The following TPTE variants were observed in gnomAD, a reference collection of about 807,000 sequenced individuals.
TPTE encodes the protein putative tyrosine-protein phosphatase TPTE.
Under a neutral mutation model 84.1 loss-of-function variants are expected in TPTE, and 59 were observed. That is an observed-to-expected ratio of 0.70 (90% confidence interval 0.57 to 0.87). The LOEUF is 0.87. Among genes scored for constraint, TPTE ranks in the 40% least tolerant of loss-of-function variants. The pLI is 0.00. For missense variants in TPTE, 382 were observed against 659.6 expected, an observed-to-expected ratio of 0.58 and a Z score of 4.61; for synonymous variants, 130 against 223.5, an observed-to-expected ratio of 0.58 and a Z score of 3.73.
intron 9 of TPTE, among the ~76,000 whole-genome samples, chr21:10,560,025 C>T (rs2074764523): frequency 6.6e-6 from 1 of 152,290 alleles, no homozygotes; most frequent in African/African-American, 2.4e-5. Flanking sequence ...GCTAAGTAGC[C>T]ATGTGCCCCA....
At chr21:10,531,006 TC>T (rs1241195490) in intron 3 of TPTE, among the ~76,000 whole-genome samples, 4 of 152,306 alleles carry the variant, frequency 2.6e-5, no homozygotes, top group African/African-American at 7.2e-5. Flanking sequence ...AGTGTTCCTA[TC>T]TTTGTCTTGT....
At chr21:10,571,015 A>G (rs1214527118) in intron 14 of TPTE, among the ~76,000 whole-genome samples, 1 of 152,418 alleles carries the variant, frequency 6.6e-6, no homozygotes, top group Non-Finnish European at 1.5e-5. Context: ...CACCCCCTTC[A>G]CCAGCAGAGC....
At chr21:10,561,835 G>A (rs372307657) in intron 10 of TPTE, among the ~76,000 whole-genome samples, 2,007 of 151,478 alleles carry the variant, frequency 0.013, no homozygotes, top group African/African-American at 0.046. Flanking sequence ...AAGGACACAG[G>A]CCTGGCTGTT....
intron 7 of TPTE, among the ~76,000 whole-genome samples, chr21:10,543,638 G>T (rs867337354): frequency 6.6e-6 from 1 of 152,430 alleles, no homozygotes; most frequent in East Asian, 1.9e-4. Flanking sequence ...TCTCATTGTA[G>T]CATTTGTAGA....
At chr21:10,604,917 C>T (rs1386221162) in intron 23 of TPTE, among the ~76,000 whole-genome samples, 2 of 152,308 alleles carry the variant, frequency 1.3e-5, no homozygotes, top group African/African-American at 2.4e-5. Flanking sequence ...TAACTTCTAT[C>T]ATTGAGAACA....
At chr21:10,542,599 C>G in intron 6 of TPTE, 151 bp downstream of exon 6, 2 of 1,154,514 alleles carry the variant, frequency 1.7e-6, no homozygotes, top group African/African-American at 1.6e-5. Context: ...ATTCATCCAT[C>G]CATCCATTCA....
intron 9 of TPTE, among the ~76,000 whole-genome samples, chr21:10,560,537 A>G (rs962833844): frequency 6.6e-6 from 1 of 152,304 alleles, no homozygotes; most frequent in Non-Finnish European, 1.5e-5. Flanking sequence ...TAAATATGAA[A>G]TCATGTACTT....
At chr21:10,542,564 C>CAT in intron 6 of TPTE, 116 bp downstream of exon 6, 1 of 1,095,386 alleles carries the variant, frequency 9.1e-7, no homozygotes, top group Non-Finnish European at 1.3e-6. Context: ...TCCATCCATT[C>CAT]ATCCATCCAT....
intron 7 of TPTE, among the ~76,000 whole-genome samples, chr21:10,548,516 G>A (rs1204396479): frequency 6.6e-6 from 1 of 152,306 alleles, no homozygotes; most frequent in Admixed American, 6.5e-5. Context: ...CCCCTGGCAG[G>A]CACCACCCAG....
intron 18 of TPTE, among the ~76,000 whole-genome samples, chr21:10,592,026 A>G (rs1266903674): frequency 1.3e-5 from 2 of 152,428 alleles, no homozygotes; most frequent in East Asian, 1.9e-4. Context: ...TTAGCTGGGC[A>G]TGGTGGTACA....
At chr21:10,601,085 T>C (rs1484041287) in intron 21 of TPTE, among the ~76,000 whole-genome samples, 31 of 152,360 alleles carry the variant, frequency 2.0e-4, no homozygotes, top group African/African-American at 7.5e-4. Flanking sequence ...AAAATTGACC[T>C]TCTTAATGTA....
chr21:10,567,239 G>A (rs780544024), intron 10 of TPTE, among the ~76,000 whole-genome samples: 10 of 152,342 alleles, frequency 6.6e-5, no homozygotes, highest in Admixed American at 4.6e-4. Context: ...AATAGAATGA[G>A]TAACGCCTAC....
intron 7 of TPTE, among the ~76,000 whole-genome samples, chr21:10,549,185 AC>A (rs2074526897): frequency 6.6e-6 from 1 of 152,304 alleles, no homozygotes; most frequent in South Asian, 2.1e-4. Flanking sequence ...AGGCCGGTAT[AC>A]CCCAATGAAC....
At chr21:10,556,043 T>A (rs2074676757) in intron 8 of TPTE, among the ~76,000 whole-genome samples, 1 of 147,864 alleles carries the variant, frequency 6.8e-6, no homozygotes, top group Non-Finnish European at 1.5e-5. Flanking sequence ...ACCTGCTACT[T>A]TTTTTTATTA....
intron 3 of TPTE, among the ~76,000 whole-genome samples, chr21:10,536,600 G>C (rs1448596754): frequency 1.5e-5 from 2 of 136,138 alleles, no homozygotes; most frequent in Non-Finnish European, 3.3e-5. Context: ...AAAGAGAAAA[G>C]AGAGAGAGAA....
chr21:10,529,925 A>T (rs1848210), intron 3 of TPTE, among the ~76,000 whole-genome samples: 7,378 of 122,998 alleles, frequency 0.06, 4 homozygotes, highest in African/African-American at 0.24. Context: ...TTTTTTTTTT[A>T]AAAAAAGTAG....
At chr21:10,546,358 T>C (rs372389843) in intron 7 of TPTE, among the ~76,000 whole-genome samples, 165 of 152,322 alleles carry the variant, frequency 1.1e-3, no homozygotes, top group African/African-American at 3.8e-3. Flanking sequence ...CCCATCTCTC[T>C]CCTTCTCCTT....
chr21:10,566,083 G>A (rs2074915220), intron 10 of TPTE, among the ~76,000 whole-genome samples: 1 of 152,310 alleles, frequency 6.6e-6, no homozygotes, highest in Non-Finnish European at 1.5e-5. Context: ...TCCACAGAAT[G>A]GGAGAAAATA....
intron 8 of TPTE, among the ~76,000 whole-genome samples, chr21:10,553,503 A>T (rs1361152026): frequency 1.3e-5 from 2 of 152,308 alleles, no homozygotes; most frequent in Non-Finnish European, 2.9e-5. Flanking sequence ...CAGATTAGCT[A>T]TACGTTTTCT....
Sources: allele counts gnomAD v4.1 joint callset (sites outside exome capture counted in the v4.1 genomes callset), GRCh38; gene constraint gnomAD v4.1.1; transcripts MANE v1.5; gene names NCBI Gene and HGNC (gene_info 2026-07-23, HGNC 2026-07-21).